The following CSMD3 variants were observed in gnomAD, a reference collection of about 807,000 sequenced individuals.
CSMD3 encodes CUB and sushi domain-containing protein 3.
CSMD3 carries 177 observed loss-of-function variants against 435.2 expected under a neutral mutation model. That is an observed-to-expected ratio of 0.41 (90% CI 0.36 to 0.46). CSMD3 has a LOEUF of 0.46. CSMD3 is among the 20% of genes least tolerant of loss of function. The pLI is 0.34. For missense variants in CSMD3, 4,265 were observed against 4,504.6 expected, an observed-to-expected ratio of 0.95 and a Z score of 1.52; for synonymous variants, 1,656 against 1,520.5, an observed-to-expected ratio of 1.09 and a Z score of -2.07.
rs1055718090 is a variant in CSMD3, at chr8:112,515,169, G to C, written c.4756+1865C>G. Among the ~76,000 whole-genome samples, 3 of 151,846 alleles carry C rather than the reference G, an allele frequency of 2.0e-5. No individual in the cohort carries two copies. The East Asian group carries it at 5.8e-4, about 29-fold the overall frequency. ...GCACCTTGGATTTTAGTGTTATCTA[G>C]AATTTTTGTATAAGCCATTTAATAT... On this transcript the variant is annotated intron_variant, in intron 28 of 70. Coordinates refer to ENST00000297405, the MANE Select transcript of CSMD3 (RefSeq NM_198123.2).
At chr8:113,428,057 T>C (rs2130031926) in intron 1 of CSMD3, among the ~76,000 whole-genome samples, 1 of 151,858 alleles carries the variant, frequency 6.6e-6, no homozygotes, top group East Asian at 1.9e-4. Context: ...TACCTGTGCA[T>C]TTACTTTGCT....
chr8:113,208,134 TTGAA>T (rs2092791939), intron 3 of CSMD3, among the ~76,000 whole-genome samples: 1 of 152,174 alleles, frequency 6.6e-6, no homozygotes, highest in South Asian at 2.1e-4. Flanking sequence ...AATAATATAA[TTGAA>T]TGAATGAATG....
chr8:113,122,658 CA>C (rs2091018140), intron 4 of CSMD3, among the ~76,000 whole-genome samples: 1 of 151,846 alleles, frequency 6.6e-6, no homozygotes, highest in South Asian at 2.1e-4. Flanking sequence ...GACCAGGAGC[CA>C]AGGAATTGAG....
chr8:112,923,905 C>T (rs2082825861), intron 9 of CSMD3, among the ~76,000 whole-genome samples: 1 of 152,130 alleles, frequency 6.6e-6, no homozygotes, highest in African/African-American at 2.4e-5. Context: ...TGTCAGGATA[C>T]TCTCTCAAGG....
At chr8:113,195,948 C>A (rs1196227199) in intron 3 of CSMD3, among the ~76,000 whole-genome samples, 1 of 150,354 alleles carries the variant, frequency 6.7e-6, no homozygotes, top group Non-Finnish European at 1.5e-5. Context: ...GTACATCCTT[C>A]TCATACAGAT....
chr8:112,871,302 C>T (rs1158175557), intron 10 of CSMD3, among the ~76,000 whole-genome samples: 1 of 152,076 alleles, frequency 6.6e-6, no homozygotes, highest in East Asian at 1.9e-4. Context: ...CCTATATTAA[C>T]TTGAACAGAA....
At chr8:113,032,771 T>C (rs898211534) in intron 5 of CSMD3, among the ~76,000 whole-genome samples, 1 of 151,472 alleles carries the variant, frequency 6.6e-6, no homozygotes, top group Non-Finnish European at 1.5e-5. Flanking sequence ...GGAAAATGTC[T>C]CCAGGGCATG....
chr8:112,875,405 C>A (rs1057492588), intron 10 of CSMD3, among the ~76,000 whole-genome samples: 5 of 151,994 alleles, frequency 3.3e-5, no homozygotes, highest in Non-Finnish European at 7.4e-5. Context: ...CTTGGGGTTG[C>A]TCTTCTCGAG....
chr8:112,292,893 A>G (rs994051198), intron 54 of CSMD3, among the ~76,000 whole-genome samples, 183 bp from the exon 55 acceptor site: 4 of 152,194 alleles, frequency 2.6e-5, no homozygotes, highest in Admixed American at 2.6e-4. Flanking sequence ...ATGTCAAAAT[A>G]GTCTAACAGC....
In CSMD3 at chr8:113,291,555, T is replaced by C. The variant is rs146459546; in HGVS notation, c.402-12851A>G. Among the ~76,000 whole-genome samples, 12 of 151,886 alleles carry C rather than the reference T, an allele frequency of 7.9e-5. No homozygotes were observed. The South Asian group carries it at 1.5e-3, about 18-fold the overall frequency. ...TACTGACTACTTTCGATAAGGCTAGTAGATAGACTTTTTAATTTGGGATTC... is the reference window on the plus strand; with the variant it reads ...TACTGACTACTTTCGATAAGGCTAGCAGATAGACTTTTTAATTTGGGATTC... On this transcript the variant is annotated intron_variant, in intron 2 of 70. Transcript: ENST00000297405.
intron 65 of CSMD3, 146 bp downstream of exon 65, chr8:112,244,248 A>G (rs984749670): frequency 8.8e-6 from 6 of 683,114 alleles, no homozygotes; most frequent in African/African-American, 1.8e-5. Context: ...CTCTGGATCC[A>G]GAAGTGTTTA....
chr8:112,256,103 C>A (rs1437540115), intron 61 of CSMD3, among the ~76,000 whole-genome samples: 1 of 152,048 alleles, frequency 6.6e-6, no homozygotes, highest in Non-Finnish European at 1.5e-5. Flanking sequence ...TAGATTATTC[C>A]ATTCAACTTA....
chr8:113,183,580 T>C (rs958017106), intron 3 of CSMD3, among the ~76,000 whole-genome samples: 7 of 151,998 alleles, frequency 4.6e-5, no homozygotes, highest in Non-Finnish European at 1.0e-4. Flanking sequence ...GAGATTCTGA[T>C]AAACCTTCTT....
intron 27 of CSMD3, among the ~76,000 whole-genome samples, chr8:112,548,016 C>T (rs772325172): frequency 2.0e-5 from 3 of 152,072 alleles, no homozygotes; most frequent in Non-Finnish European, 1.5e-5. Flanking sequence ...CATGATCCCA[C>T]GAGCCAAGTT....
At chr8:113,309,421 G>GC (rs1441443857) in intron 2 of CSMD3, 1 of 151,920 alleles carries the variant, frequency 6.6e-6, no homozygotes, top group Non-Finnish European at 1.5e-5. Context: ...GTCTATTGTT[G>GC]CCATCTTTAT....
At chr8:113,416,286 T>C (rs1420604616) in intron 1 of CSMD3, among the ~76,000 whole-genome samples, 1 of 152,154 alleles carries the variant, frequency 6.6e-6, no homozygotes. Context: ...TGGTCGTAGT[T>C]GTTCTACAAA....
chr8:113,095,664 CT>C (rs1338471056), intron 5 of CSMD3, among the ~76,000 whole-genome samples: 1 of 151,374 alleles, frequency 6.6e-6, no homozygotes, highest in African/African-American at 2.4e-5. Flanking sequence ...TCAAAAATAT[CT>C]GAAAAAAAAA....
At chr8:112,653,397 C>T (rs1345085553) in intron 18 of CSMD3, among the ~76,000 whole-genome samples, 1 of 152,008 alleles carries the variant, frequency 6.6e-6, no homozygotes, top group African/African-American at 2.4e-5. Context: ...GAAAATACAT[C>T]TATACGTTCA....
chr8:112,273,327 A>G (rs77914483), intron 59 of CSMD3, among the ~76,000 whole-genome samples: 4,524 of 152,226 alleles, frequency 0.03, 247 homozygotes, highest in African/African-American at 0.1. Flanking sequence ...GTTACTCTGA[A>G]CTATTTTCAT....
Sources: allele counts gnomAD v4.1 joint callset (sites outside exome capture counted in the v4.1 genomes callset), GRCh38; gene constraint gnomAD v4.1.1; transcripts MANE v1.5; gene names NCBI Gene and HGNC (gene_info 2026-07-23, HGNC 2026-07-21).